Variants in WDR25 observed in about 807,000 individuals in gnomAD.
WDR25 encodes WD repeat-containing protein 25.
A neutral mutation model predicts 47.7 loss-of-function variants in WDR25; 35 were observed. That is an observed-to-expected ratio of 0.73 (90% CI 0.56 to 0.97). WDR25 has a LOEUF of 0.97. Among genes scored for constraint, WDR25 ranks in the 50% least tolerant of loss-of-function variants. The pLI is 0.00. For missense variants in WDR25, 634 were observed against 704.7 expected, an observed-to-expected ratio of 0.90 and a Z score of 1.14; for synonymous variants, 248 against 278.9, an observed-to-expected ratio of 0.89 and a Z score of 1.10.
intron 2 of WDR25, among the ~76,000 whole-genome samples, chr14:100,408,718 A>G (rs1219569146): frequency 6.6e-6 from 1 of 152,242 alleles, no homozygotes; most frequent in Non-Finnish European, 1.5e-5. Context: ...AGCAATTTGC[A>G]GTTAATGATA....
At chr14:100,484,970 A>T (rs1900333786) in intron 4 of WDR25, among the ~76,000 whole-genome samples, 1 of 152,152 alleles carries the variant, frequency 6.6e-6, no homozygotes, top group African/African-American at 2.4e-5. Context: ...CCAGGCTCTG[A>T]TCTTACAGTA....
At chr14:100,382,271 G>C (rs866636279) in intron 2 of WDR25, 2 of 674,334 alleles carry the variant, frequency 3.0e-6, no homozygotes, top group African/African-American at 3.5e-5. Flanking sequence ...AGGTGCTCTG[G>C]GAGCCCAACG....
chr14:100,512,029 T>A (rs768604855), intron 4 of WDR25, among the ~76,000 whole-genome samples: 4 of 152,222 alleles, frequency 2.6e-5, no homozygotes, highest in Non-Finnish European at 5.9e-5. Context: ...AATTTTTGCA[T>A]CTATGTTTAT....
At position 100,430,778 on chromosome 14, in the gene WDR25, G is replaced by A. The variant is rs1406981031; in HGVS notation, c.823-37243G>A. Among the ~76,000 whole-genome samples the A allele has an allele frequency of 1.3e-5, 2 of 152,162 alleles. No individual in the cohort carries two copies. The highest frequency in any genetic ancestry group is 4.8e-5 in the African/African-American group (2 of 41,426). ...TGCGGAGTGGGCCTGCACAGATGAG[G>A]CTTGCTTCGTGCTCCCCAGCCTGGC... is the stretch of plus-strand genomic sequence containing the variant. On this transcript the variant is annotated intron_variant, in intron 2 of 6. Coordinates refer to ENST00000402312, the MANE Select transcript of WDR25 (RefSeq NM_001161476.3). The surrounding 1 kb of genome is among the most constrained non-coding windows in gnomAD (Gnocchi z 4.7).
intron 2 of WDR25, among the ~76,000 whole-genome samples, chr14:100,419,263 G>C (rs1395525930): frequency 6.6e-6 from 1 of 151,710 alleles, no homozygotes; most frequent in Non-Finnish European, 1.5e-5. Context: ...TCTCCACAGG[G>C]GTCTCTCTGC....
intron 2 of WDR25, among the ~76,000 whole-genome samples, chr14:100,418,766 CGG>C (rs148593255): frequency 2.7e-5 from 4 of 147,134 alleles, no homozygotes; most frequent in African/African-American, 1.0e-4. Context: ...GTGGCGGTGG[CGG>C]GGGGGGGTCC....
At chr14:100,438,413 G>C (rs1458847406) in intron 2 of WDR25, among the ~76,000 whole-genome samples, 1 of 152,214 alleles carries the variant, frequency 6.6e-6, no homozygotes, top group Non-Finnish European at 1.5e-5. Flanking sequence ...AAATTTATGG[G>C]CTTCAAATGG....
At chr14:100,478,205 A>G (rs1030118893) in intron 3 of WDR25, among the ~76,000 whole-genome samples, 3 of 152,248 alleles carry the variant, frequency 2.0e-5, no homozygotes, top group Non-Finnish European at 4.4e-5. Flanking sequence ...TTTGTAAACT[A>G]TAATAGCTCC....
rs1898146952 is a variant in WDR25, at chr14:100,425,626, T to G, written c.823-42395T>G. On this transcript the variant is annotated intron_variant, in intron 2 of 6. Transcript: ENST00000402312. The surrounding 1 kb of genome is among the most constrained non-coding windows in gnomAD (Gnocchi z 4.8). ...ACCGTCGGACGCTGATGGTGGGGGC[T>G]GGGCCCTGTGCTGACACAGGCTCAG... Among the ~76,000 whole-genome samples the G allele has an allele frequency of 6.6e-6, 1 of 152,224 alleles. No homozygotes were observed. The highest frequency in any genetic ancestry group is 1.5e-5 in the Non-Finnish European group (1 of 68,034).
chr14:100,513,938 C>CTT lies in WDR25; in HGVS notation c.1102-11918_1102-11917dup, dbSNP rs761749635. 7.3e-4 allele frequency among the ~76,000 whole-genome samples: 103 copies of CTT among 141,478 alleles called. 1 individual carries two copies. Among genetic ancestry groups the CTT allele is most frequent in the South Asian group, 4.0e-3 (18 of 4,476 alleles). 92.8% of individuals were successfully genotyped at this position (141,478 alleles called of 152,430 possible). A position where few individuals can be genotyped will look rare whatever the true frequency, so the allele number is the denominator to read the frequency against. On this transcript the variant is annotated intron_variant, in intron 4 of 6. Coordinates refer to ENST00000402312, the MANE Select transcript of WDR25 (RefSeq NM_001161476.3). ...TTGTTAGCATGGCATATCTTTTTTA[C>CTT]TTTTTTTTTTTTTTTGAGACAGAGT... is the stretch of plus-strand genomic sequence containing the variant.
In WDR25 at chr14:100,488,317, C is replaced by CATGGGTGTGGTCTGGAACCCAGG. The variant is rs1900450739; in HGVS notation, c.1101+4197_1101+4219dup. Among the ~76,000 whole-genome samples, 1 of 152,122 alleles carries CATGGGTGTGGTCTGGAACCCAGG rather than the reference C, an allele frequency of 6.6e-6. No homozygotes were observed. The highest frequency in any genetic ancestry group is 6.5e-5 in the Admixed American group (1 of 15,282). On this transcript the variant is annotated intron_variant, in intron 4 of 6. Transcript: ENST00000402312. This position sits in a 1 kb window ranked among gnomAD's most constrained non-coding sequence, Gnocchi z 4.2. ...TCTTCCTCCCAGCAGTCTGCTTGAA[C>CATGGGTGTGGTCTGGAACCCAGG]ATGGGTGTGGTCTGGAACCCAGGAT...
chr14:100,446,073 C>A (rs1595095878), intron 2 of WDR25, among the ~76,000 whole-genome samples: 1 of 152,166 alleles, frequency 6.6e-6, no homozygotes, highest in Admixed American at 6.5e-5. Flanking sequence ...TATTATACCC[C>A]CTGACTGTTT....
rs2030373389 is a variant in WDR25 at position 100,529,559 on chromosome 14, G to A, written c.1414-261G>A. The A allele has an allele frequency of 3.4e-6, 2 of 595,124 alleles. No individual in the cohort carries two copies. The highest frequency in any genetic ancestry group is 5.9e-6 in the Non-Finnish European group (2 of 336,784). 36.9% of individuals were successfully genotyped at this position (595,124 alleles called of 1,614,324 possible). On this transcript the variant is annotated intron_variant, in intron 6 of 6. Transcript: ENST00000402312. The surrounding 1 kb of genome is among the most constrained non-coding windows in gnomAD (Gnocchi z 5.1). The stretch of plus-strand genomic sequence containing the variant: ...TGGGGTGGAAGGGGCTGGGTGCTTA[G>A]TGACTGTCACTGAGGCCAGACCCCT...
intron 4 of WDR25, among the ~76,000 whole-genome samples, chr14:100,489,376 T>C (rs1900488502): frequency 6.6e-6 from 1 of 152,230 alleles, no homozygotes; most frequent in African/African-American, 2.4e-5. Context: ...TACTGGGCCC[T>C]CTAGCAGTGT....
intron 4 of WDR25, among the ~76,000 whole-genome samples, chr14:100,505,789 T>C (rs1901090417): frequency 6.6e-6 from 1 of 152,234 alleles, no homozygotes; most frequent in East Asian, 1.9e-4. Flanking sequence ...ACATGTTGTA[T>C]TAATTTATTC....
chr14:100,415,814 C>T (rs1320975536), intron 2 of WDR25, among the ~76,000 whole-genome samples: 1 of 152,230 alleles, frequency 6.6e-6, no homozygotes, highest in African/African-American at 2.4e-5. Context: ...CCAGGGATCT[C>T]ATGCCTTCTG....
intron 4 of WDR25, among the ~76,000 whole-genome samples, chr14:100,493,919 G>A (rs891041443): frequency 2.0e-5 from 3 of 152,214 alleles, no homozygotes; most frequent in African/African-American, 7.2e-5. Flanking sequence ...GATATGGTGA[G>A]AAGACAGATG....
At chr14:100,409,241 T>C (rs979845468) in intron 2 of WDR25, among the ~76,000 whole-genome samples, 7 of 152,374 alleles carry the variant, frequency 4.6e-5, no homozygotes, top group African/African-American at 1.7e-4. Context: ...CCTCTCATTT[T>C]ACAAGTGAGG....
intron 4 of WDR25, among the ~76,000 whole-genome samples, chr14:100,521,227 G>T (rs904485328): frequency 2.0e-5 from 3 of 151,926 alleles, no homozygotes; most frequent in Admixed American, 2.0e-4. Flanking sequence ...GACAGAGAGA[G>T]AATTATATAT....
Sources: allele counts gnomAD v4.1 joint callset (sites outside exome capture counted in the v4.1 genomes callset), GRCh38; gene constraint gnomAD v4.1.1; non-coding constraint Gnocchi (gnomAD v3.1); transcripts MANE v1.5; gene names NCBI Gene and HGNC (gene_info 2026-07-23, HGNC 2026-07-21).